The following NHS variants were observed in gnomAD, a reference collection of about 807,000 sequenced individuals.
NHS encodes the protein NHS actin remodeling regulator.
NHS carries 5 observed loss-of-function variants against 72.5 expected under a neutral mutation model. That is an observed-to-expected ratio of 0.07 (90% confidence interval 0.04 to 0.14). NHS has a LOEUF of 0.14. NHS is among the 10% of genes least tolerant of loss of function. The pLI is 1.00. For synonymous variants in NHS, 464 were observed against 547.7 expected, an observed-to-expected ratio of 0.85 and a Z score of 2.13; for missense variants, 1,072 against 1,355.7, an observed-to-expected ratio of 0.79 and a Z score of 3.29.
intron 5 of NHS, among the ~76,000 whole-genome samples, chrX:17,723,653 G>C (rs1008258313): frequency 9.1e-6 from 1 of 109,452 alleles, no homozygotes. Context: ...GTAAATAGAA[G>C]AAAGTAGACA....
intron 1 of NHS, among the ~76,000 whole-genome samples, chrX:17,430,108 TTCCTTCCTTTCC>T (rs1409676866): frequency 9.7e-6 from 1 of 102,855 alleles, no homozygotes; most frequent in East Asian, 3.1e-4. Context: ...CCTTCCTTCC[TTCCTTCCTTTCC>T]TCCATCCCTC....
chrX:17,651,660 C>T (rs761259078), intron 1 of NHS, among the ~76,000 whole-genome samples: 1 of 111,927 alleles, frequency 8.9e-6, no homozygotes, highest in South Asian at 3.8e-4. Flanking sequence ...TGGAGGCACA[C>T]GTAACTTCTG....
chrX:17,423,341 G>C (rs1411162664), intron 1 of NHS, among the ~76,000 whole-genome samples: 2 of 112,100 alleles, frequency 1.8e-5, no homozygotes, highest in African/African-American at 6.5e-5. Flanking sequence ...GAAGATATAA[G>C]AGAGGAATAT....
chrX:17,456,342 G>A (rs1463074173), intron 1 of NHS, among the ~76,000 whole-genome samples: 7 of 111,534 alleles, frequency 6.3e-5, no homozygotes, highest in East Asian at 2.8e-4. Flanking sequence ...TGAGGCCTCC[G>A]AGCCAGTTTA....
intron 1 of NHS, among the ~76,000 whole-genome samples, chrX:17,489,900 A>G (rs1297868815): frequency 2.7e-5 from 3 of 111,874 alleles, no homozygotes; most frequent in African/African-American, 9.7e-5. Flanking sequence ...TTTTTTTAAT[A>G]TGTTTGTTGG....
intron 1 of NHS, among the ~76,000 whole-genome samples, chrX:17,658,847 C>T (rs1215792363): frequency 8.9e-6 from 1 of 111,928 alleles, no homozygotes; most frequent in Non-Finnish European, 1.9e-5. Context: ...GAAAGGGCTG[C>T]TTCCTCTTGA....
rs138640416 is a variant in NHS, at chrX:17,590,358, T to C, written c.566-97384T>C. 5.5e-3 allele frequency among the ~76,000 whole-genome samples: 621 copies of C among 112,126 alleles called. 2 individuals are homozygous for C. The highest frequency in any genetic ancestry group is 8.8e-3 in the Non-Finnish European group (468 of 53,157). On this transcript the variant is annotated intron_variant, in intron 1 of 8. Coordinates refer to ENST00000676302, the MANE Select transcript of NHS (RefSeq NM_001291867.2). ...TTGGTGCTATCTGGAATAAATAACA[T>C]TGGATTCATCACAAATGATCAACAA...
At chrX:17,497,449 AAC>A (rs767474536) in intron 1 of NHS, among the ~76,000 whole-genome samples, 1 of 111,417 alleles carries the variant, frequency 9.0e-6, no homozygotes, top group African/African-American at 3.3e-5. Context: ...AGAATGACAT[AAC>A]AGTCATGTAT....
At chrX:17,685,260 A>G (rs1389526413) in intron 1 of NHS, among the ~76,000 whole-genome samples, 1 of 112,010 alleles carries the variant, frequency 8.9e-6, no homozygotes, top group African/African-American at 3.2e-5. Flanking sequence ...TCCCTGTCTA[A>G]GAGATAGACA....
At chrX:17,573,706 G>A (rs920210790) in intron 1 of NHS, among the ~76,000 whole-genome samples, 49 of 110,986 alleles carry the variant, frequency 4.4e-4, no homozygotes, top group Admixed American at 1.4e-3. Flanking sequence ...TCTCCATCCA[G>A]TTTTGTTCCC....
Position 17,519,044 on chromosome X carries a change from GT to G in NHS, c.565+142723del, listed in dbSNP as rs753890817. Among the ~76,000 whole-genome samples, 223 of 111,946 alleles carry G rather than the reference GT, an allele frequency of 2.0e-3. 2 individuals are homozygous for G. The highest frequency in any genetic ancestry group is 4.8e-3 in the Admixed American group (51 of 10,538). Reference sequence around the variant, plus strand: ...TAGAGGAGGGTGAATAAAGCACTAAGTGTTGTGCTTAGGTTCTAGTAAGTGT... The same window carrying G: ...TAGAGGAGGGTGAATAAAGCACTAAGGTTGTGCTTAGGTTCTAGTAAGTGT... On this transcript the variant is annotated intron_variant, in intron 1 of 8. Transcript: ENST00000676302.
chrX:17,673,035 G>A (rs947222592), intron 1 of NHS, among the ~76,000 whole-genome samples: 4 of 110,753 alleles, frequency 3.6e-5, no homozygotes, highest in African/African-American at 1.3e-4. Context: ...GTAAAGAAAG[G>A]ACAGATTAAA....
In NHS at chrX:17,682,683, A is replaced by G. The variant is rs772949154; in HGVS notation, c.566-5059A>G. ...TCCCCCTTCTTAAGGAAGAAGGAGT[A>G]GCAGGGGAGAAAGCCAGTGTGGGGT... On this transcript the variant is annotated intron_variant, in intron 1 of 8. Coordinates refer to ENST00000676302, the MANE Select transcript of NHS (RefSeq NM_001291867.2). 4.3e-3 allele frequency among the ~76,000 whole-genome samples: 481 copies of G among 111,586 alleles called. 1 individual carries two copies. The highest frequency in any genetic ancestry group is 7.2e-3 in the Non-Finnish European group (380 of 53,028).
intron 1 of NHS, among the ~76,000 whole-genome samples, chrX:17,436,842 A>G (rs1434701050): frequency 9.0e-6 from 1 of 111,080 alleles, no homozygotes; most frequent in Non-Finnish European, 1.9e-5. Flanking sequence ...AACCTCTCTT[A>G]CCTCAAAGTT....
rs1240571846 is a variant in NHS at position 17,561,557 on chromosome X, TGCGC to T, written c.566-126170_566-126167del. Among the ~76,000 whole-genome samples, 645 of 76,404 alleles carry T rather than the reference TGCGC, an allele frequency of 8.4e-3. 4 individuals carry two copies. The highest frequency in any genetic ancestry group is 0.03 in the African/African-American group (576 of 19,005). The allele number at this position is 76,404 out of a possible 115,157, so 66.3% of individuals were successfully genotyped here. On this transcript the variant is annotated intron_variant, in intron 1 of 8. Transcript: ENST00000676302. ...TGAGTTCTTCACACATGCAAGTGCATGCGCGCGCGCGCGCGCGCACACACACACA... is the reference window on the plus strand; with the variant it reads ...TGAGTTCTTCACACATGCAAGTGCATGCGCGCGCGCGCGCACACACACACA...
At chrX:17,685,908 G>A (rs928901345) in intron 1 of NHS, among the ~76,000 whole-genome samples, 1 of 112,094 alleles carries the variant, frequency 8.9e-6, no homozygotes, top group Non-Finnish European at 1.9e-5. Flanking sequence ...CAAAGCCAGA[G>A]AACAAATGCT....
chrX:17,429,257 T>TGTGTGTGTGTGTGC (rs1460333806), intron 1 of NHS, among the ~76,000 whole-genome samples: 90 of 106,561 alleles, frequency 8.4e-4, no homozygotes, highest in African/African-American at 2.9e-3. Context: ...TGTGTGTGTG[T>TGTGTGTGTGTGTGC]GCACACGTGC....
rs760171819 is a variant in NHS, at chrX:17,595,117, C to T, written c.566-92625C>T. Among the ~76,000 whole-genome samples the T allele has an allele frequency of 2.7e-5, 3 of 111,977 alleles. No homozygotes were observed. The South Asian group carries it at 1.1e-3, about 42-fold the overall frequency. ...CACCCACCAAGCTGCTATATATGTT[C>T]CTGCTGACATGGAATATATGTAGAA... On this transcript the variant is annotated intron_variant, in intron 1 of 8. Transcript: ENST00000676302.
chrX:17,491,553 T>C (rs1402452721), intron 1 of NHS, among the ~76,000 whole-genome samples: 3 of 111,624 alleles, frequency 2.7e-5, no homozygotes, highest in African/African-American at 9.8e-5. Flanking sequence ...TGCATCGATG[T>C]TCATCAGGGA....
Sources: allele counts gnomAD v4.1 joint callset (sites outside exome capture counted in the v4.1 genomes callset), GRCh38; gene constraint gnomAD v4.1.1; transcripts MANE v1.5; gene names NCBI Gene and HGNC (gene_info 2026-07-23, HGNC 2026-07-21).